Variants in RPS6KC1 observed in about 807,000 individuals in gnomAD.
RPS6KC1 encodes the protein inactive ribosomal protein S6 kinase delta-1.
RPS6KC1 carries 54 observed loss-of-function variants against 103.8 expected under a neutral mutation model. The ratio of observed to expected loss-of-function variants is 0.52; its 90% CI spans 0.42 to 0.65. RPS6KC1 has a LOEUF of 0.65. Among genes scored for constraint, RPS6KC1 ranks in the 30% least tolerant of loss-of-function variants. The probability of loss-of-function intolerance (pLI) is 0.00; values close to 1 mark genes in which losing one functional copy is unlikely to be tolerated. For missense variants in RPS6KC1, 1,151 were observed against 1,253.8 expected, an observed-to-expected ratio of 0.92 and a Z score of 1.24; for synonymous variants, 439 against 438.7, an observed-to-expected ratio of 1.00 and a Z score of -0.01.
chr1:213,644,558 T>G, the RPS6KC1 span, among the ~76,000 whole-genome samples: 1 of 151,880 alleles, frequency 6.6e-6, no homozygotes. Flanking sequence ...TGGCAACTAC[T>G]AATCTTTTTA....
chr1:213,377,417 A>G, the RPS6KC1 span, among the ~76,000 whole-genome samples: 4 of 152,196 alleles, frequency 2.6e-5, no homozygotes, highest in Non-Finnish European at 4.4e-5. Flanking sequence ...CTGGTCATTT[A>G]GAGCTGCTCT....
At chr1:213,473,637 G>T in the RPS6KC1 span, among the ~76,000 whole-genome samples, 1 of 152,154 alleles carries the variant, frequency 6.6e-6, no homozygotes, top group Non-Finnish European at 1.5e-5. Flanking sequence ...AAGGGAGTAG[G>T]ACAAATAGCC....
At chr1:213,373,164 G>T in the RPS6KC1 span, among the ~76,000 whole-genome samples, 2 of 152,182 alleles carry the variant, frequency 1.3e-5, no homozygotes, top group Admixed American at 6.5e-5. Context: ...TCAAAAAGGA[G>T]GGGTAGCATG....
the RPS6KC1 span, among the ~76,000 whole-genome samples, chr1:213,310,441 C>CA: frequency 6.6e-6 from 1 of 151,778 alleles, no homozygotes; most frequent in Admixed American, 6.6e-5. Context: ...GGCCTTTGCA[C>CA]TTTTTTTTTC....
the RPS6KC1 span, among the ~76,000 whole-genome samples, chr1:213,616,027 G>A: frequency 3.9e-5 from 6 of 152,256 alleles, no homozygotes; most frequent in Admixed American, 2.6e-4. Context: ...GTGCTTGAAT[G>A]AATCCTTTTG....
the RPS6KC1 span, among the ~76,000 whole-genome samples, chr1:213,563,628 A>G: frequency 6.6e-6 from 1 of 152,120 alleles, no homozygotes; most frequent in South Asian, 2.1e-4. Flanking sequence ...GGTAAACTTA[A>G]CATTATATCC....
At chr1:213,675,890 TA>T in the RPS6KC1 span, among the ~76,000 whole-genome samples, 10 of 112,330 alleles carry the variant, frequency 8.9e-5, 1 homozygote, top group Admixed American at 2.7e-4. Context: ...GAATTTTTTT[TA>T]AAAAAGTATA....
intron 5 of RPS6KC1, among the ~76,000 whole-genome samples, 188 bp downstream of exon 5, chr1:213,117,598 A>T (rs1340727239): frequency 1.3e-5 from 2 of 151,906 alleles, no homozygotes; most frequent in Non-Finnish European, 2.9e-5. Flanking sequence ...GGCATATCTC[A>T]TATTTAATTG....
chr1:213,827,208 C>T, the RPS6KC1 span, among the ~76,000 whole-genome samples: 3 of 152,136 alleles, frequency 2.0e-5, no homozygotes, highest in African/African-American at 4.8e-5. Context: ...CAGTCAAAGC[C>T]TGCTGAAGCT....
At chr1:213,166,737 T>G (rs80194545) in intron 6 of RPS6KC1, among the ~76,000 whole-genome samples, 1,700 of 152,320 alleles carry the variant, frequency 0.011, 36 homozygotes, top group African/African-American at 0.037. Context: ...CCAACTTTGT[T>G]GCAGCTTTTC....
At chr1:213,555,325 G>A in the RPS6KC1 span, among the ~76,000 whole-genome samples, 1 of 152,234 alleles carries the variant, frequency 6.6e-6, no homozygotes, top group Middle Eastern at 3.2e-3. Flanking sequence ...GTGTTAGCAA[G>A]GGAAGCACAT....
the RPS6KC1 span, among the ~76,000 whole-genome samples, chr1:213,400,034 T>A: frequency 6.6e-6 from 1 of 152,122 alleles, no homozygotes; most frequent in African/African-American, 2.4e-5. Flanking sequence ...ACTTGAAAGA[T>A]CAGCAGGCTC....
chr1:213,269,292 C>A (rs925870888), intron 14 of RPS6KC1, among the ~76,000 whole-genome samples: 7 of 152,056 alleles, frequency 4.6e-5, no homozygotes, highest in African/African-American at 1.7e-4. Context: ...ATAATGACCT[C>A]AAAATATAGG....
chr1:213,527,976 A>G, the RPS6KC1 span, among the ~76,000 whole-genome samples: 98 of 152,344 alleles, frequency 6.4e-4, no homozygotes, highest in African/African-American at 2.1e-3. Flanking sequence ...GTGATTCATC[A>G]TAAAGGCCTT....
At chr1:213,163,836 T>G (rs1175652276) in intron 6 of RPS6KC1, among the ~76,000 whole-genome samples, 8 of 152,214 alleles carry the variant, frequency 5.3e-5, no homozygotes, top group Admixed American at 5.2e-4. Flanking sequence ...TCCTGTATGT[T>G]TGTCTGTTGT....
At chr1:213,124,589 T>C (rs2148955134) in intron 5 of RPS6KC1, among the ~76,000 whole-genome samples, 1 of 152,314 alleles carries the variant, frequency 6.6e-6, no homozygotes, top group East Asian at 1.9e-4. Context: ...TAAGCAGATG[T>C]GTTAAGTATA....
the RPS6KC1 span, among the ~76,000 whole-genome samples, chr1:213,385,605 C>T: frequency 6.6e-6 from 1 of 152,184 alleles, no homozygotes; most frequent in African/African-American, 2.4e-5. Flanking sequence ...TGCATATGTC[C>T]TGTGTGTCCA....
chr1:213,151,299 A>G (rs2088828268), intron 6 of RPS6KC1, among the ~76,000 whole-genome samples: 1 of 111,628 alleles, frequency 9.0e-6, no homozygotes, highest in East Asian at 3.1e-4. Flanking sequence ...GCGGCCGGGC[A>G]GAGGCGCCCC....
chr1:213,454,322 CATTT>C, the RPS6KC1 span, among the ~76,000 whole-genome samples: 1 of 152,184 alleles, frequency 6.6e-6, no homozygotes, highest in Non-Finnish European at 1.5e-5. Context: ...ATTTTAAAAA[CATTT>C]AATACTTATT....
Sources: allele counts gnomAD v4.1 joint callset (sites outside exome capture counted in the v4.1 genomes callset), GRCh38; gene constraint gnomAD v4.1.1; transcripts MANE v1.5; gene names NCBI Gene and HGNC (gene_info 2026-07-23, HGNC 2026-07-21).